The following LRCH4 variants were observed in gnomAD, a reference collection of about 807,000 sequenced individuals.
The protein encoded by LRCH4 is leucine-rich repeat and calponin homology domain-containing protein 4.
Under a neutral mutation model 81.2 loss-of-function variants are expected in LRCH4, and 56 were observed. The observed-to-expected ratio is 0.69, with a 90% confidence interval of 0.56 to 0.86. LRCH4 has a LOEUF of 0.86. Among genes scored for constraint, LRCH4 ranks in the 40% least tolerant of loss-of-function variants. The pLI is 0.00. For missense variants in LRCH4, 895 were observed against 922.8 expected (o/e 0.97, Z 0.39); for synonymous variants, 442 against 409.7 (o/e 1.08, Z -0.95).
chr7:100,579,179 GGCTGCAGATGTT>G (rs2131182701), intron 4 of LRCH4: 1 of 218,082 alleles, frequency 4.6e-6, no homozygotes, highest in East Asian at 1.2e-4. Context: ...ATGCAACCAG[GGCTGCAGATGTT>G]GAGCGGATTG....
At position 100,581,899 on chromosome 7, in the gene LRCH4, A is replaced by C. The variant is rs755947812; in HGVS notation, c.493-17T>G. ...GCTCACGTCCTGGTATCAGGAAGGC[A>C]GTGGGAAGGGGCCATGAGACCAGGC... On this transcript the variant is annotated splice_polypyrimidine_tract_variant and intron_variant, in intron 3 of 17. Transcript: ENST00000310300. The C allele has an allele frequency of 6.2e-7, 1 of 1,613,648 alleles. No homozygotes were observed. Among genetic ancestry groups the C allele is most frequent in the Non-Finnish European group, 8.5e-7 (1 of 1,179,658 alleles).
chr7:100,585,690 G>A (rs1801713217), intron 1 of LRCH4, among the ~76,000 whole-genome samples, 191 bp downstream of exon 1: 1 of 152,164 alleles, frequency 6.6e-6, no homozygotes, highest in Non-Finnish European at 1.5e-5. Context: ...CTGTGCAAAC[G>A]AGAAGCACGT....
Position 100,577,665 on chromosome 7 carries a change from T to C in LRCH4, c.1115A>G (p.Glu372Gly). The C allele has an allele frequency of 6.2e-7, 1 of 1,613,672 alleles. No individual in the cohort carries two copies. Among genetic ancestry groups the C allele is most frequent in the South Asian group, 1.1e-5 (1 of 91,084 alleles). ...PGEDEERGTV[E>G]EQRPPELSPG... ...GGAGAGGCATAGCTGGGCTCTCACC[T>C]CCACAGTGCCTCGCTCTTCATCCTC... The change falls in exon 9 of 18, where the codon GAG becomes GGG. Residue 372 changes from glutamate (E) to glycine (G), a missense_variant and splice_region_variant. Glu to Gly is a moderately conservative substitution (Grantham distance 98). This residue lies in a region of LRCH4 where 529 missense variants were observed against 504.9 expected (regional missense o/e 1.05). Coordinates refer to ENST00000310300, the MANE Select transcript of LRCH4 (RefSeq NM_002319.5). This position sits in a 1 kb window ranked among gnomAD's most constrained non-coding sequence, Gnocchi z 6.7.
Position 100,575,161 on chromosome 7 carries a change from G to A in LRCH4, c.1998C>T (p.Tyr666=), listed in dbSNP as rs755926956. The A allele has an allele frequency of 9.3e-6, 15 of 1,613,482 alleles. No individual in the cohort carries two copies. The highest frequency in any genetic ancestry group is 6.7e-5 in the Admixed American group (4 of 59,918). Reference sequence around the variant, plus strand: ...CATAGAGCAGCAGCATGAGGACCACGTAGAAGACGACGAAGCCGCCCAGAC... The same window carrying A: ...CATAGAGCAGCAGCATGAGGACCACATAGAAGACGACGAAGCCGCCCAGAC... ...PSGLGGFVVF[Y]VVLMLLLYVT... is the part of the protein sequence containing the mutation. The change falls in exon 18 of 18, where the codon TAC becomes TAT. Residue 666 remains tyrosine (Y), a synonymous_variant. Coordinates refer to ENST00000310300, the MANE Select transcript of LRCH4 (RefSeq NM_002319.5). The surrounding 1 kb of genome is among the most constrained non-coding windows in gnomAD (Gnocchi z 5.3).
At position 100,577,155 on chromosome 7, in the gene LRCH4, C is replaced by G; in HGVS notation, c.1296-1G>C. The G allele has an allele frequency of 6.2e-7, 1 of 1,613,992 alleles. No individual in the cohort carries two copies. Among genetic ancestry groups the G allele is most frequent in the Non-Finnish European group, 8.5e-7 (1 of 1,179,994 alleles). ...AGCCCTGAGCCCTGGCTTCAAGAGG[C>G]TGGAACAAGGAGAGGTGGGGTCAGC... On this transcript the variant is annotated splice_acceptor_variant, in intron 11 of 17. Coordinates refer to ENST00000310300, the MANE Select transcript of LRCH4 (RefSeq NM_002319.5). LOFTEE classifies it high-confidence loss of function. The surrounding 1 kb of genome is among the most constrained non-coding windows in gnomAD (Gnocchi z 6.7).
At chr7:100,585,844 A>G in intron 1 of LRCH4, 37 bp downstream of exon 1, 1 of 1,523,050 alleles carries the variant, frequency 6.6e-7, no homozygotes, top group Admixed American at 2.0e-5. Context: ...TATGCAAATG[A>G]GGGACCCGGT....
rs138668883 is a variant in LRCH4 at position 100,576,240 on chromosome 7, G to C, written c.1636C>G (p.Gln546Glu). ...ACGCAGCTCCCGCCTCTGCTCACCTGGCGCAGCTGAGTCATTAAGTCCTTC... is the reference window on the plus strand; with the variant it reads ...ACGCAGCTCCCGCCTCTGCTCACCTCGCGCAGCTGAGTCATTAAGTCCTTC... The part of the protein sequence containing the change: ...DEKDLMTQLR[Q>E]VLESRLQRPL... Residue 546 changes from glutamine to glutamate, a missense_variant and splice_region_variant, in exon 15 of 18, where the codon CAG (glutamine) becomes GAG (glutamate). By Grantham distance (29) the Gln-to-Glu change is conservative. This residue lies in a region of LRCH4 where 529 missense variants were observed against 504.9 expected (regional missense o/e 1.05). Transcript: ENST00000310300. The C allele has an allele frequency of 1.6e-4, 253 of 1,613,982 alleles. No individual in the cohort carries two copies. In the African/African-American group the frequency reaches 3.0e-3, roughly 19 times the overall value.
chr7:100,575,997 G>A lies in LRCH4; in HGVS notation c.1650C>T (p.Ser550=). The change falls in exon 16 of 18, where the codon TCC becomes TCT. Residue 550 remains serine, a synonymous_variant. Transcript: ENST00000310300. The surrounding 1 kb of genome is among the most constrained non-coding windows in gnomAD (Gnocchi z 5.3). ...CCTCAGGCAGGGGCCGCTGCAGCCGGGACTCAAGGACCTGGCAGTGTAGAC... is the reference window on the plus strand; with the variant it reads ...CCTCAGGCAGGGGCCGCTGCAGCCGAGACTCAAGGACCTGGCAGTGTAGAC... ...LMTQLRQVLE[S]RLQRPLPEDL... The A allele has an allele frequency of 6.2e-7, 1 of 1,604,494 alleles. No individual in the cohort carries two copies. Among genetic ancestry groups the A allele is most frequent in the Non-Finnish European group, 8.5e-7 (1 of 1,178,746 alleles).
rs1314707536 is a variant in LRCH4 at position 100,577,639 on chromosome 7, G to C, written c.1116+25C>G. Reference sequence around the variant, plus strand: ...TCCCCTCCTCCAGCTCCCCTCCCTTGGGAGAGGCATAGCTGGGCTCTCACC... The same window carrying C: ...TCCCCTCCTCCAGCTCCCCTCCCTTCGGAGAGGCATAGCTGGGCTCTCACC... On this transcript the variant is annotated intron_variant, in intron 9 of 17. Transcript: ENST00000310300. This position sits in a 1 kb window ranked among gnomAD's most constrained non-coding sequence, Gnocchi z 6.7. 3 of 1,613,006 alleles carry C rather than the reference G, an allele frequency of 1.9e-6. No homozygotes were observed. In the East Asian group the frequency reaches 6.7e-5, roughly 36 times the overall value.
chr7:100,584,013 C>G (rs551850105), intron 1 of LRCH4: 118 of 378,794 alleles, frequency 3.1e-4, no homozygotes, highest in African/African-American at 2.3e-3. Flanking sequence ...CCCGCCACCT[C>G]AGGATTCTTC....
At chr7:100,580,404 TCACA>T (rs60848197) in intron 4 of LRCH4, 11,557 of 137,604 alleles carry the variant, frequency 0.084, 505 homozygotes, top group African/African-American at 0.11. Context: ...CATACACACA[TCACA>T]CACACACACA....
chr7:100,584,364 AC>A lies in LRCH4; in HGVS notation c.220+1516del, dbSNP rs980915610. ...GGTTCTTGGGAAGCTGGGATTTCCGACCCCCCCCCAAGCTCACAGGAGCACG... is the reference window on the plus strand; with the variant it reads ...GGTTCTTGGGAAGCTGGGATTTCCGACCCCCCCCAAGCTCACAGGAGCACG... On this transcript the variant is annotated intron_variant, in intron 1 of 17. Coordinates refer to ENST00000310300, the MANE Select transcript of LRCH4 (RefSeq NM_002319.5). Among the ~76,000 whole-genome samples the A allele has an allele frequency of 4.0e-4, 49 of 123,166 alleles. 1 individual carries two copies. Among genetic ancestry groups the A allele is most frequent in the African/African-American group, 1.0e-3 (34 of 32,442 alleles). The allele number at this position is 123,166 out of a possible 152,430, so 80.8% of individuals were successfully genotyped here.
rs1801732846 is a variant in LRCH4 at position 100,585,999 on chromosome 7, T to C, written c.102A>G (p.Ala34=). ...GSPGLPGRRS[A]ERALEEAVAT... ...CCACGGCCTCCTCTAGGGCCCGCTC[T>C]GCACTGCGTCTCCCCGGCAGACCTG... is the stretch of plus-strand genomic sequence containing the variant. Residue 34 remains alanine, a synonymous_variant, in exon 1 of 18, where the codon GCA becomes GCG. Transcript: ENST00000310300. 6.2e-7 allele frequency: 1 copy of C among 1,610,966 alleles called. No individual in the cohort carries two copies. The highest frequency in any genetic ancestry group is 8.5e-7 in the Non-Finnish European group (1 of 1,178,492).
In LRCH4 at chr7:100,577,850, T is replaced by C. The variant is rs909152; in HGVS notation, c.1011A>G (p.Gly337=). The part of the protein sequence containing the change: ...RISELAREPR[G]PRERKEDGSA... ...AGCCATCCTCCTTGCGTTCTCTGGG[T>C]CCCCGGGGCTCCCGGGCCAGCTCTG... is the stretch of plus-strand genomic sequence containing the variant. The change falls in exon 8 of 18, where the codon GGA becomes GGG. Residue 337 remains glycine, a synonymous_variant. Coordinates refer to ENST00000310300, the MANE Select transcript of LRCH4 (RefSeq NM_002319.5). This position sits in a 1 kb window ranked among gnomAD's most constrained non-coding sequence, Gnocchi z 6.7. The C allele has an allele frequency of 0.69, 1,114,050 of 1,613,656 alleles. 389,239 individuals carry two copies. The highest frequency in any genetic ancestry group is 0.93 in the African/African-American group (69,810 of 75,016).
In LRCH4 at chr7:100,577,747, A is replaced by T. The variant is rs761209799; in HGVS notation, c.1040-7T>A. ...TGCACAGGGTCTCCGTCCGCTGGGG[A>T]GGCCAGCATGTCAGCAAGTGAGCGG... On this transcript the variant is annotated splice_region_variant and splice_polypyrimidine_tract_variant and intron_variant, in intron 8 of 17. Coordinates refer to ENST00000310300, the MANE Select transcript of LRCH4 (RefSeq NM_002319.5). The surrounding 1 kb of genome is among the most constrained non-coding windows in gnomAD (Gnocchi z 6.7). 1 of 1,613,992 alleles carries T rather than the reference A, an allele frequency of 6.2e-7. No individual in the cohort carries two copies. The highest frequency in any genetic ancestry group is 1.7e-5 in the Admixed American group (1 of 60,026).
At chr7:100,581,315 G>A (rs1801550031) in intron 4 of LRCH4, among the ~76,000 whole-genome samples, 1 of 152,240 alleles carries the variant, frequency 6.6e-6, no homozygotes, top group Admixed American at 6.5e-5. Flanking sequence ...CCTGGACAAT[G>A]AAGGTGTAAT....
chr7:100,583,879 T>G lies in LRCH4; in HGVS notation c.221-1420A>C. ...CCGAGTTCTCAGAGTTCTGATGGGG[T>G]AGGCGGTGGCGGGGACAAAAGCTAG... On this transcript the variant is annotated intron_variant, in intron 1 of 17. Coordinates refer to ENST00000310300, the MANE Select transcript of LRCH4 (RefSeq NM_002319.5). This position sits in a 1 kb window ranked among gnomAD's most constrained non-coding sequence, Gnocchi z 4.3. 3.4e-6 allele frequency: 1 copy of G among 291,214 alleles called. No homozygotes were observed. Among genetic ancestry groups the G allele is most frequent in the Non-Finnish European group, 7.0e-6 (1 of 143,022 alleles). The allele number at this position is 291,214 out of a possible 1,614,324, so 18.0% of individuals were successfully genotyped here.
rs1801449690 is a variant in LRCH4, at chr7:100,578,773, G to A, written c.612C>T (p.Leu204=). Residue 204 remains leucine (L), a synonymous_variant, in exon 5 of 18, where the codon CTC becomes CTT. Coordinates refer to ENST00000310300, the MANE Select transcript of LRCH4 (RefSeq NM_002319.5). This position sits in a 1 kb window ranked among gnomAD's most constrained non-coding sequence, Gnocchi z 5.7. ...LSTLPEELGD[L]PLVRLDFSCN... ...AGGAGAAATCCAGGCGGACCAGAGG[G>A]AGGTCCCCCAGCTCTGGAACAGGTG... 3 of 1,613,374 alleles carry A rather than the reference G, an allele frequency of 1.9e-6. No individual in the cohort carries two copies. The Admixed American group carries it at 5.0e-5, about 27-fold the overall frequency.
Position 100,576,309 on chromosome 7 carries a change from C to T in LRCH4, c.1567G>A (p.Asp523Asn), listed in dbSNP as rs781759433. The T allele has an allele frequency of 1.9e-6, 3 of 1,614,014 alleles. No individual in the cohort carries two copies. Among genetic ancestry groups the T allele is most frequent in the Non-Finnish European group, 1.7e-6 (2 of 1,179,936 alleles). Residue 523 changes from aspartate (D) to asparagine (N), a missense_variant, in exon 15 of 18, where the codon GAC becomes AAC. Asp to Asn is a conservative substitution (Grantham distance 23). Coordinates refer to ENST00000310300, the MANE Select transcript of LRCH4 (RefSeq NM_002319.5). ...TACCGCCGAGGTCTCAGGACAGAGT[C>T]TGGTGAGGAAGGGCCTAGGAGAAAA... ...SQSGSGPSSP[D>N]SVLRPRRYPQ...
Sources: allele counts gnomAD v4.1 joint callset (sites outside exome capture counted in the v4.1 genomes callset), GRCh38; gene constraint gnomAD v4.1.1; regional missense constraint gnomAD v4.1.1; non-coding constraint Gnocchi (gnomAD v3.1); transcripts MANE v1.5; gene names NCBI Gene and HGNC (gene_info 2026-07-23, HGNC 2026-07-21).